Variants in RBFOX1 observed in about 807,000 individuals in gnomAD.
The protein encoded by RBFOX1 is RNA binding fox-1 homolog 1.
A neutral mutation model predicts 57.7 loss-of-function variants in RBFOX1; 8 were observed. The ratio of observed to expected loss-of-function variants is 0.14; its 90% confidence interval spans 0.08 to 0.25. The LOEUF is 0.25. Ranked by LOEUF, RBFOX1 falls within the 10% of genes least tolerant of loss-of-function variation. RBFOX1 has a pLI of 1.00. For synonymous variants in RBFOX1, 326 were observed against 222.4 expected, an observed-to-expected ratio of 1.47 and a Z score of -4.15; for missense variants, 611 against 548.5, an observed-to-expected ratio of 1.11 and a Z score of -1.14.
chr16:6,304,379 A>C (rs993076137), intron 1 of RBFOX1, among the ~76,000 whole-genome samples: 2 of 152,134 alleles, frequency 1.3e-5, no homozygotes, highest in East Asian at 3.9e-4. Context: ...TCTGCATTGC[A>C]GCCTCTTGTG....
chr16:5,405,753 C>T (rs576808324), intron 1 of RBFOX1, among the ~76,000 whole-genome samples: 27 of 152,280 alleles, frequency 1.8e-4, no homozygotes, highest in African/African-American at 6.3e-4. Context: ...TTACAGTAAT[C>T]CCTTTCCCTT....
At chr16:6,794,871 G>GA (rs1274201116) in intron 3 of RBFOX1, among the ~76,000 whole-genome samples, 1 of 151,766 alleles carries the variant, frequency 6.6e-6, no homozygotes, top group Non-Finnish European at 1.5e-5. Flanking sequence ...TTCCCCCTAT[G>GA]AAAAAAATGG....
chr16:7,064,309 C>T (rs1175900971), intron 4 of RBFOX1, among the ~76,000 whole-genome samples: 5 of 151,890 alleles, frequency 3.3e-5, no homozygotes, highest in Non-Finnish European at 5.9e-5. Context: ...GCTGGGCCTA[C>T]AGGCACCCGC....
chr16:7,704,047 G>T (rs146494910), intron 14 of RBFOX1, among the ~76,000 whole-genome samples: 83 of 152,262 alleles, frequency 5.5e-4, no homozygotes, highest in African/African-American at 1.9e-3. Context: ...CCTTGAGTTA[G>T]GTAGGGCTCA....
intron 2 of RBFOX1, among the ~76,000 whole-genome samples, chr16:6,426,304 A>G (rs970367537): frequency 6.6e-6 from 1 of 152,060 alleles, no homozygotes; most frequent in African/African-American, 2.4e-5. Context: ...GAAGGGAGAG[A>G]GAGAAGGGAG....
Position 7,285,833 on chromosome 16 carries a change from G to T in RBFOX1, c.28-232314G>T, listed in dbSNP as rs757664225. 3.3e-5 allele frequency among the ~76,000 whole-genome samples: 5 copies of T among 152,272 alleles called. No homozygotes were observed. In the East Asian group the frequency reaches 5.8e-4, roughly 18 times the overall value. On this transcript the variant is annotated intron_variant, in intron 4 of 15. Transcript: ENST00000550418. ...GGATTTAGCTCTTATAAATAAAACT[G>T]TTACAAATCTTCAAGTGCAGGGTTT...
chr16:5,504,509 A>T (rs2043310329), intron 2 of RBFOX1, among the ~76,000 whole-genome samples: 1 of 152,220 alleles, frequency 6.6e-6, no homozygotes, highest in African/African-American at 2.4e-5. Context: ...CGATCATAAA[A>T]ATGCCTCCAT....
rs140631456 is a variant in RBFOX1 at position 7,378,260 on chromosome 16, C to T, written c.28-139887C>T. On this transcript the variant is annotated intron_variant, in intron 4 of 15. Coordinates refer to ENST00000550418, the MANE Select transcript of RBFOX1 (RefSeq NM_018723.4). ...ATCTCCTGATCTCGAGCCTTTTCCT[C>T]CTGAGGGCAAGGAGGATCGGGAGGC... Among the ~76,000 whole-genome samples, 13 of 152,246 alleles carry T rather than the reference C, an allele frequency of 8.5e-5. 1 individual carries two copies. In the East Asian group the frequency reaches 1.9e-3, roughly 23 times the overall value.
chr16:6,961,619 G>A (rs905729573), intron 3 of RBFOX1, among the ~76,000 whole-genome samples: 32 of 152,116 alleles, frequency 2.1e-4, no homozygotes, highest in Admixed American at 1.6e-3. Context: ...TACTATTATG[G>A]TTATTTCTTG....
chr16:5,406,396 C>T (rs1016514599), intron 1 of RBFOX1, among the ~76,000 whole-genome samples: 3 of 152,134 alleles, frequency 2.0e-5, no homozygotes, highest in Admixed American at 6.5e-5. Flanking sequence ...CGTCAATCTT[C>T]TTATGCCTTC....
At chr16:5,912,879 G>A (rs2058631938) in intron 4 of RBFOX1, among the ~76,000 whole-genome samples, 1 of 152,166 alleles carries the variant, frequency 6.6e-6, no homozygotes, top group African/African-American at 2.4e-5. Flanking sequence ...TGGGGAGAGT[G>A]CCAGGAGCTT....
intron 3 of RBFOX1, among the ~76,000 whole-genome samples, chr16:5,797,707 C>A (rs1187706444): frequency 2.6e-5 from 4 of 152,132 alleles, no homozygotes; most frequent in Admixed American, 2.0e-4. Context: ...GAGGCCATAT[C>A]TAAATTTATT....
intron 4 of RBFOX1, among the ~76,000 whole-genome samples, chr16:7,440,496 G>A (rs977591542): frequency 1.3e-5 from 2 of 152,136 alleles, no homozygotes; most frequent in African/African-American, 4.8e-5. Flanking sequence ...AGAGCCCAAG[G>A]AATGTGGCCA....
At chr16:7,017,941 G>T (rs1056275036) in intron 3 of RBFOX1, among the ~76,000 whole-genome samples, 2 of 152,164 alleles carry the variant, frequency 1.3e-5, no homozygotes, top group Non-Finnish European at 2.9e-5. Flanking sequence ...AACTGTCGGC[G>T]ACGTGTGAAT....
At chr16:6,956,298 C>A (rs186381264) in intron 3 of RBFOX1, among the ~76,000 whole-genome samples, 2 of 152,118 alleles carry the variant, frequency 1.3e-5, no homozygotes, top group African/African-American at 4.8e-5. Flanking sequence ...GAGAGTCTTG[C>A]TAAGGAATCC....
At chr16:6,664,280 A>G (rs539679361) in intron 3 of RBFOX1, among the ~76,000 whole-genome samples, 26 of 152,270 alleles carry the variant, frequency 1.7e-4, no homozygotes, top group African/African-American at 4.1e-4. Flanking sequence ...AAAACTGTCA[A>G]TCATCTTCAG....
At chr16:7,427,634 T>A (rs916070945) in intron 4 of RBFOX1, among the ~76,000 whole-genome samples, 9 of 151,478 alleles carry the variant, frequency 5.9e-5, no homozygotes, top group Non-Finnish European at 1.0e-4. Flanking sequence ...CTTTTTATTT[T>A]TTTTTATTTT....
intron 1 of RBFOX1, among the ~76,000 whole-genome samples, chr16:6,291,178 A>C (rs943048574): frequency 6.6e-6 from 1 of 152,140 alleles, no homozygotes; most frequent in African/African-American, 2.4e-5. Flanking sequence ...CTGTTTTATC[A>C]GCAAGGTCTT....
chr16:5,574,742 T>C (rs979277769), intron 2 of RBFOX1, among the ~76,000 whole-genome samples: 20 of 152,130 alleles, frequency 1.3e-4, no homozygotes, highest in African/African-American at 4.6e-4. Flanking sequence ...TCCTCCCTGT[T>C]TTAGTCTGTG....
Sources: allele counts gnomAD v4.1 joint callset (sites outside exome capture counted in the v4.1 genomes callset), GRCh38; gene constraint gnomAD v4.1.1; transcripts MANE v1.5; gene names NCBI Gene and HGNC (gene_info 2026-07-23, HGNC 2026-07-21).